CD96: variants seen among roughly 807,000 people sequenced by gnomAD.
CD96 encodes the protein CD96 molecule.
CD96 carries 70 observed loss-of-function variants against 71.3 expected under a neutral mutation model. That is an observed-to-expected ratio of 0.98 (90% CI 0.81 to 1.20). The LOEUF (loss-of-function observed/expected upper bound fraction) is 1.20. CD96 is among the 50% of genes most tolerant of loss of function. CD96 has a pLI of 0.00. For missense variants in CD96, 742 were observed against 677.5 expected, an observed-to-expected ratio of 1.10 and a Z score of -1.06; for synonymous variants, 248 against 233.0, an observed-to-expected ratio of 1.06 and a Z score of -0.59.
chr3:111,603,900 G>T (rs1261971573), intron 7 of CD96, among the ~76,000 whole-genome samples: 1 of 152,150 alleles, frequency 6.6e-6, no homozygotes, highest in East Asian at 1.9e-4. Flanking sequence ...AGTGCAGCTG[G>T]CCTCATACCC....
Position 111,650,243 on chromosome 3 carries a change from G to A in CD96, c.*437G>A. 5.6e-6 allele frequency: 1 copy of A among 179,126 alleles called. No homozygotes were observed. The highest frequency in any genetic ancestry group is 1.2e-5 in the Non-Finnish European group (1 of 82,222). 11.1% of individuals were successfully genotyped at this position (179,126 alleles called of 1,614,324 possible). ...TGCTGCATTCCCTAAGATAATTACA[G>A]GAAAAAGAAAATGTAAAAGTGCTAA... On this transcript the variant is annotated 3_prime_UTR_variant, in exon 14 of 14. Transcript: ENST00000352690.
intron 8 of CD96, among the ~76,000 whole-genome samples, chr3:111,622,760 T>C (rs1489697560): frequency 6.6e-6 from 1 of 152,236 alleles, no homozygotes; most frequent in Non-Finnish European, 1.5e-5. Flanking sequence ...GAAAAGTTTC[T>C]TTTTAATCAC....
chr3:111,558,451 T>C (rs1935195857), intron 2 of CD96, among the ~76,000 whole-genome samples: 1 of 114,784 alleles, frequency 8.7e-6, no homozygotes, highest in Non-Finnish European at 1.8e-5. Context: ...TTTTTCTGCA[T>C]CTATTGAGAT....
chr3:111,661,148 G>A (rs1056251215), intron 14 of CD96, among the ~76,000 whole-genome samples: 15 of 152,150 alleles, frequency 9.9e-5, no homozygotes, highest in African/African-American at 3.1e-4. Flanking sequence ...GAGTGACAGA[G>A]TGAAGGGGAA....
chr3:111,655,631 T>C (rs1940210704), downstream of CD96, among the ~76,000 whole-genome samples: 2 of 152,152 alleles, frequency 1.3e-5, no homozygotes, highest in South Asian at 4.1e-4. Context: ...ATACCAAGAA[T>C]GTAAGAAGCA....
At chr3:111,602,794 C>A (rs1256942882) in intron 7 of CD96, among the ~76,000 whole-genome samples, 1 of 152,114 alleles carries the variant, frequency 6.6e-6, no homozygotes, top group African/African-American at 2.4e-5. Context: ...GATGAAGACA[C>A]AGAAGAAAAA....
chr3:111,569,782 T>G (rs1935890213), intron 3 of CD96, among the ~76,000 whole-genome samples: 1 of 151,730 alleles, frequency 6.6e-6, no homozygotes, highest in Non-Finnish European at 1.5e-5. Context: ...CTCTCATTTC[T>G]TTTTTTTTCC....
intron 5 of CD96, 118 bp downstream of exon 5, chr3:111,585,496 C>T (rs1244852280): frequency 3.3e-5 from 23 of 705,078 alleles, no homozygotes; most frequent in Middle Eastern, 2.4e-4. Context: ...GACCAATTAA[C>T]TGCTAATAGG....
At chr3:111,558,884 C>A (rs868574219) in intron 2 of CD96, among the ~76,000 whole-genome samples, 2,599 of 151,666 alleles carry the variant, frequency 0.017, 43 homozygotes, top group Middle Eastern at 0.048. Flanking sequence ...ACAATTTCAG[C>A]TCCTGTTATT....
intron 3 of CD96, among the ~76,000 whole-genome samples, chr3:111,571,221 T>G (rs200021321): frequency 0.04 from 275 of 6,884 alleles, 1 homozygote; most frequent in Non-Finnish European, 0.065. Context: ...TGGTTTTTGG[T>G]TTTTTTTTTT....
At chr3:111,634,221 A>C (rs140505939) in intron 10 of CD96, 55 of 152,396 alleles carry the variant, frequency 3.6e-4, no homozygotes, top group African/African-American at 1.3e-3. Context: ...TTATTATTGA[A>C]GTTGAACCTG....
chr3:111,616,512 G>A (rs915816677), intron 8 of CD96, among the ~76,000 whole-genome samples: 5 of 152,100 alleles, frequency 3.3e-5, no homozygotes. Context: ...TTGCGTGCTA[G>A]ACATCATGAG....
intron 5 of CD96, chr3:111,594,095 C>A: frequency 1.2e-6 from 2 of 1,614,116 alleles, no homozygotes; most frequent in South Asian, 1.1e-5. Context: ...CACAAAAGGG[C>A]CAACCAGTTC....
At chr3:111,615,675 A>G (rs1938195424) in intron 8 of CD96, among the ~76,000 whole-genome samples, 1 of 152,194 alleles carries the variant, frequency 6.6e-6, no homozygotes, top group Non-Finnish European at 1.5e-5. Flanking sequence ...GTTTAGAATT[A>G]TGTATCTACT....
At chr3:111,590,623 C>T (rs1324793558) in intron 5 of CD96, among the ~76,000 whole-genome samples, 1 of 152,180 alleles carries the variant, frequency 6.6e-6, no homozygotes, top group African/African-American at 2.4e-5. Context: ...TTATGCATTC[C>T]CAAAGTCAAG....
chr3:111,607,542 C>T (rs1937680726), intron 8 of CD96, among the ~76,000 whole-genome samples: 1 of 152,194 alleles, frequency 6.6e-6, no homozygotes, highest in Non-Finnish European at 1.5e-5. Context: ...CTCTAATACA[C>T]AAAAGCTTAT....
chr3:111,601,109 G>T (rs1407338941), intron 7 of CD96, among the ~76,000 whole-genome samples, 195 bp downstream of exon 7: 1 of 152,116 alleles, frequency 6.6e-6, no homozygotes, highest in Admixed American at 6.5e-5. Context: ...CAACTAAAAA[G>T]AAAATAGTTG....
chr3:111,626,499 C>T (rs1160885275), intron 10 of CD96, among the ~76,000 whole-genome samples: 1 of 151,984 alleles, frequency 6.6e-6, no homozygotes, highest in Non-Finnish European at 1.5e-5. Context: ...CTGGTGGTAC[C>T]ATCACTTTCC....
chr3:111,567,699 G>A (rs774839745), intron 3 of CD96, 52 bp downstream of exon 3: 51 of 1,482,000 alleles, frequency 3.4e-5, no homozygotes, highest in Admixed American at 5.0e-5. Flanking sequence ...AAACATTAAC[G>A]AAGTAAAATG....
Sources: allele counts gnomAD v4.1 joint callset (sites outside exome capture counted in the v4.1 genomes callset), GRCh38; gene constraint gnomAD v4.1.1; transcripts MANE v1.5; gene names NCBI Gene and HGNC (gene_info 2026-07-23, HGNC 2026-07-21).